The following ALCAM variants were observed in gnomAD, a reference collection of about 807,000 sequenced individuals.
The protein encoded by ALCAM is activated leukocyte cell adhesion molecule.
ALCAM carries 30 observed loss-of-function variants against 70.9 expected under a neutral mutation model. That is an observed-to-expected ratio of 0.42 (90% confidence interval 0.32 to 0.57). The LOEUF is 0.57. Among genes scored for constraint, ALCAM ranks in the 20% least tolerant of loss-of-function variants. The probability of loss-of-function intolerance (pLI) is 0.11; values close to 1 mark genes in which losing one functional copy is unlikely to be tolerated. For synonymous variants in ALCAM, 249 were observed against 242.5 expected, an observed-to-expected ratio of 1.03 and a Z score of -0.25; for missense variants, 591 against 695.1, an observed-to-expected ratio of 0.85 and a Z score of 1.68.
intron 1 of ALCAM, among the ~76,000 whole-genome samples, chr3:105,392,468 C>CT (rs1935847694): frequency 6.7e-6 from 1 of 149,580 alleles, no homozygotes; most frequent in African/African-American, 2.5e-5. Context: ...CTCTTTTTTT[C>CT]TTTATTAGTC....
chr3:105,545,454 T>G, intron 9 of ALCAM, 119 bp downstream of exon 9: 1 of 625,728 alleles, frequency 1.6e-6, no homozygotes, highest in Non-Finnish European at 2.8e-6. Context: ...ACCAGCTCTC[T>G]CTCTCTCTCT....
At chr3:105,512,668 A>G (rs915203344) in intron 1 of ALCAM, among the ~76,000 whole-genome samples, 24 of 151,950 alleles carry the variant, frequency 1.6e-4, no homozygotes, top group Non-Finnish European at 2.8e-4. Context: ...ATCAGAATCT[A>G]GACTAAATTG....
chr3:105,500,045 C>T (rs1938875124), intron 1 of ALCAM, among the ~76,000 whole-genome samples: 1 of 152,082 alleles, frequency 6.6e-6, no homozygotes, highest in African/African-American at 2.4e-5. Context: ...GGTCAGTGTG[C>T]AGTAGATTGG....
chr3:105,375,501 G>C (rs1487547891), intron 1 of ALCAM, among the ~76,000 whole-genome samples: 2 of 152,144 alleles, frequency 1.3e-5, no homozygotes, highest in East Asian at 3.9e-4. Flanking sequence ...AAGATGTGAG[G>C]TTGTAGCCTC....
At chr3:105,532,152 A>G (rs1037780843) in intron 4 of ALCAM, 86 bp downstream of exon 4, 3 of 1,169,450 alleles carry the variant, frequency 2.6e-6, no homozygotes, top group Non-Finnish European at 3.8e-6. Context: ...CAAGTAAGAA[A>G]GGCTTTGCTC....
At chr3:105,435,657 A>G (rs1937032776) in intron 1 of ALCAM, among the ~76,000 whole-genome samples, 1 of 152,380 alleles carries the variant, frequency 6.6e-6, no homozygotes, top group South Asian at 2.1e-4. Flanking sequence ...GACTGGCTGC[A>G]GGCCTAGAAT....
At chr3:105,531,185 GAATAA>G (rs1293936428) in intron 3 of ALCAM, 1 of 152,020 alleles carries the variant, frequency 6.6e-6, no homozygotes, top group East Asian at 1.9e-4. Context: ...TAGCAGCTAA[GAATAA>G]AATAACTTAA....
At position 105,367,351 on chromosome 3, in the gene ALCAM, C is replaced by A; in HGVS notation, c.-58C>A. On this transcript the variant is annotated 5_prime_UTR_variant, in exon 1 of 16. Coordinates refer to ENST00000306107, the MANE Select transcript of ALCAM (RefSeq NM_001627.4). ...CGCGCGGGCACCGCGGGGCCCGGGACGACGCCCCCTCCTGCGGCGTGGACT... is the reference window on the plus strand; with the variant it reads ...CGCGCGGGCACCGCGGGGCCCGGGAAGACGCCCCCTCCTGCGGCGTGGACT... 6.3e-7 allele frequency: 1 copy of A among 1,585,936 alleles called. No homozygotes were observed. Among genetic ancestry groups the A allele is most frequent in the South Asian group, 1.1e-5 (1 of 89,864 alleles).
chr3:105,401,795 C>T (rs1310359436), intron 1 of ALCAM, among the ~76,000 whole-genome samples: 4 of 151,884 alleles, frequency 2.6e-5, no homozygotes, highest in African/African-American at 7.3e-5. Flanking sequence ...GCAAAGTAAA[C>T]TCCTCTAGAC....
At chr3:105,494,412 C>T (rs1197008114) in intron 1 of ALCAM, among the ~76,000 whole-genome samples, 3 of 151,558 alleles carry the variant, frequency 2.0e-5, no homozygotes, top group Admixed American at 6.6e-5. Flanking sequence ...TTATAAAGGG[C>T]CTGCCTTCCT....
intron 14 of ALCAM, among the ~76,000 whole-genome samples, chr3:105,562,408 G>T (rs966709314): frequency 6.6e-6 from 1 of 151,992 alleles, no homozygotes; most frequent in Middle Eastern, 3.2e-3. Flanking sequence ...TAATCATATT[G>T]TTTACTCTGT....
intron 14 of ALCAM, among the ~76,000 whole-genome samples, chr3:105,564,265 G>A (rs1179434816): frequency 1.3e-5 from 2 of 152,140 alleles, no homozygotes; most frequent in Non-Finnish European, 2.9e-5. Context: ...AATGTAAGAA[G>A]GTAACAAGCA....
At chr3:105,570,046 A>G (rs1422843859) in intron 14 of ALCAM, among the ~76,000 whole-genome samples, 1 of 152,204 alleles carries the variant, frequency 6.6e-6, no homozygotes, top group Non-Finnish European at 1.5e-5. Context: ...AGGGGGAGCC[A>G]TAGCTGATAG....
chr3:105,418,376 G>T (rs1214947710), intron 1 of ALCAM, among the ~76,000 whole-genome samples: 2 of 151,722 alleles, frequency 1.3e-5, no homozygotes, highest in Non-Finnish European at 2.9e-5. Flanking sequence ...ATTCTTAAAA[G>T]CTTTGAAGTT....
At chr3:105,549,175 T>C (rs1442250875) in intron 11 of ALCAM, among the ~76,000 whole-genome samples, 1 of 151,494 alleles carries the variant, frequency 6.6e-6, no homozygotes, top group Non-Finnish European at 1.5e-5. Flanking sequence ...AGATTGATTC[T>C]GGCCCACTGG....
At chr3:105,495,722 C>T (rs1000206953) in intron 1 of ALCAM, among the ~76,000 whole-genome samples, 6 of 152,140 alleles carry the variant, frequency 3.9e-5, no homozygotes, top group African/African-American at 1.4e-4. Context: ...GATCAAAGTG[C>T]CATTTACTAC....
chr3:105,464,545 G>A (rs1015252493), intron 1 of ALCAM, among the ~76,000 whole-genome samples: 5 of 151,038 alleles, frequency 3.3e-5, no homozygotes, highest in Non-Finnish European at 4.4e-5. Context: ...ACTTTTTATT[G>A]CATTGGGGGC....
chr3:105,424,233 A>G (rs1255248503), intron 1 of ALCAM, among the ~76,000 whole-genome samples: 1 of 151,658 alleles, frequency 6.6e-6, no homozygotes, highest in Non-Finnish European at 1.5e-5. Context: ...TTATGGTATC[A>G]AATCCTAGAT....
chr3:105,514,210 A>G (rs1029836049), intron 1 of ALCAM, among the ~76,000 whole-genome samples: 1 of 151,960 alleles, frequency 6.6e-6, no homozygotes, highest in Non-Finnish European at 1.5e-5. Context: ...CATTTTCTTC[A>G]CAAAGCACAC....
Sources: gnomAD v4.1 joint callset for allele counts (sites outside exome capture counted in the v4.1 genomes callset) on GRCh38, gnomAD v4.1.1 for gene constraint, MANE v1.5 for transcripts, NCBI Gene and HGNC (gene_info 2026-07-23, HGNC 2026-07-21) for gene names.